The following MGAT4C variants were observed in gnomAD, a reference collection of about 807,000 sequenced individuals.
The protein encoded by MGAT4C is alpha-1,3-mannosyl-glycoprotein 4-beta-N-acetylglucosaminyltransferase C.
In MGAT4C, 19 loss-of-function variants were observed where a neutral mutation model predicts 40.1. The observed-to-expected ratio is 0.47, with a 90% confidence interval of 0.33 to 0.70. The LOEUF (loss-of-function observed/expected upper bound fraction) is 0.70, where lower values mean the gene tolerates loss of function less well. Ranked by LOEUF, MGAT4C falls within the 30% of genes least tolerant of loss-of-function variation. The pLI is 0.02. For missense variants in MGAT4C, 491 were observed against 563.2 expected (o/e 0.87, Z 1.30); for synonymous variants, 181 against 187.1 (o/e 0.97, Z 0.27).
intron 1 of MGAT4C, among the ~76,000 whole-genome samples, chr12:86,053,179 T>C (rs1455091438): frequency 1.3e-5 from 2 of 151,584 alleles, no homozygotes; most frequent in African/African-American, 4.9e-5. Flanking sequence ...TTTTTTTTTT[T>C]AACATAAATA....
intron 1 of MGAT4C, among the ~76,000 whole-genome samples, chr12:86,245,648 T>A (rs1169331740): frequency 6.6e-6 from 1 of 152,162 alleles, no homozygotes; most frequent in African/African-American, 2.4e-5. Context: ...CCCCTTTTGA[T>A]CTCAATTTCT....
At chr12:86,231,341 A>G (rs1043972794) in intron 1 of MGAT4C, among the ~76,000 whole-genome samples, 4 of 152,194 alleles carry the variant, frequency 2.6e-5, no homozygotes, top group African/African-American at 7.2e-5. Flanking sequence ...AATTCTCAAT[A>G]TACTTGGGGT....
At chr12:86,336,206 G>A (rs1314840757) in intron 3 of MGAT4C, among the ~76,000 whole-genome samples, 1 of 152,006 alleles carries the variant, frequency 6.6e-6, no homozygotes, top group East Asian at 1.9e-4. Context: ...TTCACAGTTG[G>A]TTGAATCCCA....
intron 3 of MGAT4C, among the ~76,000 whole-genome samples, chr12:86,421,088 A>G (rs1025122363): frequency 9.2e-5 from 14 of 152,070 alleles, no homozygotes; most frequent in African/African-American, 2.9e-4. Context: ...TAGGAATTTG[A>G]GTATCTTCTC....
At chr12:86,050,734 AT>A (rs1892821331) in intron 1 of MGAT4C, among the ~76,000 whole-genome samples, 1 of 151,956 alleles carries the variant, frequency 6.6e-6, no homozygotes, top group Non-Finnish European at 1.5e-5. Context: ...GAATTTCCAC[AT>A]TTTTCCTCTT....
intron 1 of MGAT4C, among the ~76,000 whole-genome samples, chr12:86,175,270 A>G (rs10506931): frequency 0.073 from 11,083 of 152,218 alleles, 572 homozygotes; most frequent in Middle Eastern, 0.22. Flanking sequence ...AATTGCCTTA[A>G]TAATATGACT....
intron 2 of MGAT4C, among the ~76,000 whole-genome samples, chr12:86,590,011 A>C (rs1213943872): frequency 6.6e-6 from 1 of 152,004 alleles, no homozygotes; most frequent in Non-Finnish European, 1.5e-5. Context: ...CATAAAATTA[A>C]GTCCAGGGAA....
Position 85,960,256 on chromosome 12 carries a change from A to T in MGAT4C, c.*19033T>A, listed in dbSNP as rs1883040503. 6.6e-6 allele frequency: 1 copy of T among 152,056 alleles called. No homozygotes were observed. Among genetic ancestry groups the T allele is most frequent in the South Asian group, 2.1e-4 (1 of 4,836 alleles). The allele number at this position is 152,056 out of a possible 1,614,324, so 9.4% of individuals were successfully genotyped here. A position where few individuals can be genotyped will look rare whatever the true frequency, so the allele number is the denominator to read the frequency against. The stretch of plus-strand genomic sequence containing the variant: ...TTTGTCTTATCCCCTTGTTATACAG[A>T]CAAAGATGACAAGGGCCGAAAAGGA... On this transcript the variant is annotated 3_prime_UTR_variant, in exon 5 of 5. Coordinates refer to ENST00000611864, the MANE Select transcript of MGAT4C (RefSeq NM_001351288.2).
At chr12:86,226,821 T>C (rs1951100605) in intron 1 of MGAT4C, among the ~76,000 whole-genome samples, 2 of 152,088 alleles carry the variant, frequency 1.3e-5, no homozygotes, top group South Asian at 4.1e-4. Flanking sequence ...TCTACTATAA[T>C]GTCCATATCA....
chr12:86,193,056 C>T (rs1205375430), intron 1 of MGAT4C, among the ~76,000 whole-genome samples: 1 of 151,874 alleles, frequency 6.6e-6, no homozygotes, highest in African/African-American at 2.4e-5. Flanking sequence ...CAGCATAAAT[C>T]AGGTTTTTTT....
chr12:86,689,708 G>T, intron 2 of MGAT4C, among the ~76,000 whole-genome samples: 1 of 152,210 alleles, frequency 6.6e-6, no homozygotes, highest in East Asian at 1.9e-4. Context: ...AGGGGCACCC[G>T]CCAGATGCCA....
chr12:86,470,024 A>G (rs998937004), intron 2 of MGAT4C, among the ~76,000 whole-genome samples: 1 of 152,128 alleles, frequency 6.6e-6, no homozygotes, highest in African/African-American at 2.4e-5. Context: ...AAGCCTAAAT[A>G]GTATTCCGCT....
intron 3 of MGAT4C, among the ~76,000 whole-genome samples, chr12:86,386,997 T>A (rs1592774840): frequency 6.6e-6 from 1 of 152,190 alleles, no homozygotes; most frequent in East Asian, 1.9e-4. Context: ...GCAAGTTGCA[T>A]AGTTGGAATT....
chr12:86,357,845 A>AT (rs1428358055), intron 3 of MGAT4C, among the ~76,000 whole-genome samples: 1 of 152,196 alleles, frequency 6.6e-6, no homozygotes, highest in Admixed American at 6.5e-5. Flanking sequence ...GACCAAATCT[A>AT]TGTCTGATTG....
rs61150490 is a variant in MGAT4C, at chr12:86,155,954, A to G, written c.-57+100285T>C. Among the ~76,000 whole-genome samples the G allele has an allele frequency of 3.3e-3, 499 of 152,254 alleles. 2 individuals carry two copies. The highest frequency in any genetic ancestry group is 0.012 in the African/African-American group (487 of 41,548). On this transcript the variant is annotated intron_variant, in intron 1 of 4. Coordinates refer to ENST00000611864, the MANE Select transcript of MGAT4C (RefSeq NM_001351288.2). ...TTGCTATTGTGTAAATATGAATATC[A>G]TTTTAGTCTAGTGAAATAAAAAAAG...
intron 1 of MGAT4C, among the ~76,000 whole-genome samples, chr12:86,774,319 C>CTTTCTTTCTTTCTTTCTTTCT (rs1555227779): frequency 0.045 from 4,227 of 93,702 alleles, 432 homozygotes; most frequent in East Asian, 0.16. Context: ...TTCTTTCTTT[C>CTTTCTTTCTTTCTTTCTTTCT]TTTCTTTCTT....
At chr12:86,796,784 A>C (rs1952131318) in intron 1 of MGAT4C, among the ~76,000 whole-genome samples, 1 of 151,946 alleles carries the variant, frequency 6.6e-6, no homozygotes, top group Non-Finnish European at 1.5e-5. Flanking sequence ...CATGGATGTA[A>C]GTGTTCTCAC....
At chr12:86,626,054 G>T (rs2136496099) in intron 2 of MGAT4C, among the ~76,000 whole-genome samples, 1 of 152,242 alleles carries the variant, frequency 6.6e-6, no homozygotes, top group East Asian at 1.9e-4. Context: ...GGATGCAAAT[G>T]TGAATTAAAA....
chr12:86,755,027 A>G (rs1951278892), intron 1 of MGAT4C, among the ~76,000 whole-genome samples: 1 of 152,184 alleles, frequency 6.6e-6, no homozygotes. Flanking sequence ...ATAGTAGTCA[A>G]TAATGTAATA....
Sources: gnomAD v4.1 joint callset for allele counts (sites outside exome capture counted in the v4.1 genomes callset) on GRCh38, gnomAD v4.1.1 for gene constraint, MANE v1.5 for transcripts, NCBI Gene and HGNC (gene_info 2026-07-23, HGNC 2026-07-21) for gene names.